SEC22A: variants seen among roughly 807,000 people sequenced by gnomAD.
SEC22A encodes the protein SEC22 homolog A, vesicle trafficking protein.
SEC22A carries 22 observed loss-of-function variants against 35.3 expected under a neutral mutation model. The observed-to-expected ratio is 0.62, with a 90% confidence interval of 0.45 to 0.89. The LOEUF is 0.89. SEC22A is among the 40% of genes least tolerant of loss of function. SEC22A has a pLI of 0.00. For missense variants in SEC22A, 354 were observed against 362.5 expected, an observed-to-expected ratio of 0.98 and a Z score of 0.19; for synonymous variants, 119 against 129.5, an observed-to-expected ratio of 0.92 and a Z score of 0.55.
chr3:123,219,972 A>G (rs960103566), intron 2 of SEC22A, among the ~76,000 whole-genome samples: 2 of 152,234 alleles, frequency 1.3e-5, no homozygotes, highest in African/African-American at 4.8e-5. Context: ...TAAATTTACT[A>G]TGAAAAGCCA....
intron 5 of SEC22A, among the ~76,000 whole-genome samples, chr3:123,255,754 T>A (rs1276124653): frequency 2.1e-4 from 32 of 152,194 alleles, no homozygotes; most frequent in Admixed American, 2.1e-3. Context: ...TACACGGAGA[T>A]CTATTCTTTT....
At chr3:123,230,333 A>T (rs1234893482) in intron 4 of SEC22A, among the ~76,000 whole-genome samples, 1 of 152,234 alleles carries the variant, frequency 6.6e-6, no homozygotes, top group East Asian at 1.9e-4. Flanking sequence ...CCAGATGATA[A>T]TTCAAATCAA....
At chr3:123,209,171 G>T (rs760488918) in intron 1 of SEC22A, 28 bp from the exon 2 acceptor site, 1 of 1,575,306 alleles carries the variant, frequency 6.3e-7, no homozygotes, top group Non-Finnish European at 8.7e-7. Context: ...TAATTTTTAT[G>T]TAACCCAAAT....
rs1559767548 is a variant in SEC22A at position 123,272,603 on chromosome 3, T to C, written c.*881T>C. 6.6e-6 allele frequency: 1 copy of C among 152,398 alleles called. No homozygotes were observed. The highest frequency in any genetic ancestry group is 1.9e-4 in the East Asian group (1 of 5,192). 9.4% of individuals were successfully genotyped at this position (152,398 alleles called of 1,614,324 possible). ...AGTAAGATGAACACAAAAAATGTTG[T>C]TCAGTTCTAGCTAGAAACTAATGCC... On this transcript the variant is annotated 3_prime_UTR_variant, in exon 7 of 7. Coordinates refer to ENST00000492595, the MANE Select transcript of SEC22A (RefSeq NM_012430.5).
intron 5 of SEC22A, among the ~76,000 whole-genome samples, chr3:123,254,635 A>C (rs1467221785): frequency 6.6e-6 from 1 of 152,118 alleles, no homozygotes; most frequent in Non-Finnish European, 1.5e-5. Flanking sequence ...ACAAACAATA[A>C]CAAAACCAAA....
At chr3:123,211,954 G>A (rs539858701) in intron 2 of SEC22A, among the ~76,000 whole-genome samples, 7 of 152,222 alleles carry the variant, frequency 4.6e-5, no homozygotes, top group South Asian at 2.1e-4. Flanking sequence ...CTACTGTGGC[G>A]ACATACGTGG....
At position 123,271,545 on chromosome 3, in the gene SEC22A, C is replaced by T. The variant is rs574515523; in HGVS notation, c.747C>T (p.Thr249=). 19 of 1,613,624 alleles carry T rather than the reference C, an allele frequency of 1.2e-5. No individual in the cohort carries two copies. Among genetic ancestry groups the T allele is most frequent in the Middle Eastern group, 1.6e-4 (1 of 6,062 alleles). Residue 249 remains threonine, a synonymous_variant, in exon 7 of 7, where the codon ACC becomes ACT. Coordinates refer to ENST00000492595, the MANE Select transcript of SEC22A (RefSeq NM_012430.5). ...AGTGTTATTTACTTGTCTACTACAC[C>T]GGCTGGCGGAATGTCAAATCTTTTT... ...LYQCYLLVYY[T]GWRNVKSFLT...
chr3:123,254,150 G>A (rs1937668920), intron 5 of SEC22A, among the ~76,000 whole-genome samples: 1 of 151,902 alleles, frequency 6.6e-6, no homozygotes. Context: ...AATACATTGT[G>A]TGGCTATTAT....
chr3:123,207,709 T>C (rs7643790), intron 1 of SEC22A, among the ~76,000 whole-genome samples: 41,922 of 152,184 alleles, frequency 0.28, 7,201 homozygotes, highest in Non-Finnish European at 0.4. Context: ...CAACTTCTTA[T>C]GCAAGCTAAA....
chr3:123,258,601 C>T (rs1321275264), intron 5 of SEC22A, among the ~76,000 whole-genome samples: 1 of 152,122 alleles, frequency 6.6e-6, no homozygotes, highest in Non-Finnish European at 1.5e-5. Flanking sequence ...CTTTCCTCTG[C>T]CTTACAATCA....
At chr3:123,229,865 A>AC (rs1027733340) in intron 4 of SEC22A, among the ~76,000 whole-genome samples, 4 of 144,752 alleles carry the variant, frequency 2.8e-5, no homozygotes, top group African/African-American at 1.0e-4. Flanking sequence ...TCATCTCAAA[A>AC]AAAAAAAATA....
At chr3:123,261,056 T>C (rs1001068236) in intron 6 of SEC22A, among the ~76,000 whole-genome samples, 11 of 151,648 alleles carry the variant, frequency 7.3e-5, no homozygotes, top group Admixed American at 6.6e-5. Flanking sequence ...AGGATGGTCT[T>C]GATCTCCTGA....
At chr3:123,264,661 C>T (rs540353106) in intron 6 of SEC22A, among the ~76,000 whole-genome samples, 14 of 147,440 alleles carry the variant, frequency 9.5e-5, no homozygotes, top group African/African-American at 3.3e-4. Flanking sequence ...ACGAGTCTTG[C>T]TCTGTCACCC....
At chr3:123,252,434 G>T (rs973448547) in intron 5 of SEC22A, among the ~76,000 whole-genome samples, 2 of 152,122 alleles carry the variant, frequency 1.3e-5, no homozygotes, top group Non-Finnish European at 2.9e-5. Flanking sequence ...AGAGGAGGGG[G>T]AAGGGCAGTA....
chr3:123,242,139 A>G (rs1406027620), intron 4 of SEC22A, among the ~76,000 whole-genome samples: 1 of 151,916 alleles, frequency 6.6e-6, no homozygotes, highest in Non-Finnish European at 1.5e-5. Flanking sequence ...CTCTTCTTCC[A>G]TCCCTTACTG....
chr3:123,203,996 TGGC>T (rs1936803881), intron 1 of SEC22A, among the ~76,000 whole-genome samples: 1 of 152,126 alleles, frequency 6.6e-6, no homozygotes, highest in Non-Finnish European at 1.5e-5. Context: ...ATAGGCAAAA[TGGC>T]GGAAATTCCA....
chr3:123,234,348 T>C (rs1262259800), intron 4 of SEC22A, among the ~76,000 whole-genome samples: 1 of 152,046 alleles, frequency 6.6e-6, no homozygotes, highest in Non-Finnish European at 1.5e-5. Flanking sequence ...AAGTACAAAG[T>C]TGGAGGACTC....
In SEC22A at chr3:123,223,613, A is replaced by G. The variant is rs1458557957; in HGVS notation, c.237A>G (p.Pro79=). 6.2e-7 allele frequency: 1 copy of G among 1,613,714 alleles called. No individual in the cohort carries two copies. Among genetic ancestry groups the G allele is most frequent in the Admixed American group, 1.7e-5 (1 of 60,016 alleles). Residue 79 remains proline (P), a synonymous_variant, in exon 3 of 7, where the codon CCA becomes CCG. Coordinates refer to ENST00000492595, the MANE Select transcript of SEC22A (RefSeq NM_012430.5). Reference sequence around the variant, plus strand: ...TGATGTTGTGCACTGAAAATTACCCAAATGTTCTCGCCTTCTCTTTCCTGG... The same window carrying G: ...TGATGTTGTGCACTGAAAATTACCCGAATGTTCTCGCCTTCTCTTTCCTGG... The part of the protein sequence containing the change: ...SYMMLCTENY[P]NVLAFSFLDE...
chr3:123,268,264 C>T (rs1938069680), intron 6 of SEC22A, among the ~76,000 whole-genome samples: 1 of 152,084 alleles, frequency 6.6e-6, no homozygotes, highest in Non-Finnish European at 1.5e-5. Flanking sequence ...GGTCTTTTAC[C>T]AGAGAGAGCA....
Sources: gnomAD v4.1 joint callset for allele counts (sites outside exome capture counted in the v4.1 genomes callset) on GRCh38, gnomAD v4.1.1 for gene constraint, MANE v1.5 for transcripts, NCBI Gene and HGNC (gene_info 2026-07-23, HGNC 2026-07-21) for gene names.